CCDC171: variants seen among roughly 807,000 people sequenced by gnomAD.
CCDC171 encodes the protein coiled-coil domain-containing protein 171.
In CCDC171, 177 loss-of-function variants were observed where a neutral mutation model predicts 168.2. The ratio of observed to expected loss-of-function variants is 1.05; its 90% CI spans 0.93 to 1.19. The LOEUF is 1.19. Ranked by LOEUF, CCDC171 falls within the 50% of genes most tolerant of loss-of-function variation. CCDC171 has a pLI of 0.00. For missense variants in CCDC171, 1,991 were observed against 1,539.0 expected, an observed-to-expected ratio of 1.29 and a Z score of -4.91; for synonymous variants, 687 against 540.8, an observed-to-expected ratio of 1.27 and a Z score of -3.75.
intron 25 of CCDC171, among the ~76,000 whole-genome samples, chr9:15,944,971 G>A (rs1177826583): frequency 2.0e-5 from 3 of 151,436 alleles, no homozygotes; most frequent in African/African-American, 7.3e-5. Flanking sequence ...ATGCTGGTGC[G>A]CTGCACCCAC....
chr9:15,938,109 TA>T (rs2132249274), intron 25 of CCDC171, among the ~76,000 whole-genome samples: 1 of 152,012 alleles, frequency 6.6e-6, no homozygotes, highest in African/African-American at 2.4e-5. Flanking sequence ...TTATTTAATT[TA>T]ATCTTTATAC....
the CCDC171 span, among the ~76,000 whole-genome samples, chr9:16,067,877 A>G: frequency 6.6e-6 from 1 of 152,170 alleles, no homozygotes; most frequent in Non-Finnish European, 1.5e-5. Flanking sequence ...CTTGTAGTAT[A>G]GTTTGAAGTC....
chr9:15,844,869 T>C (rs901907752), intron 21 of CCDC171, among the ~76,000 whole-genome samples: 1 of 152,050 alleles, frequency 6.6e-6, no homozygotes, highest in Non-Finnish European at 1.5e-5. Context: ...TTCCCTGAGA[T>C]TGGATCAGGA....
chr9:15,896,068 G>T (rs1328639289), intron 24 of CCDC171, among the ~76,000 whole-genome samples: 1 of 151,864 alleles, frequency 6.6e-6, no homozygotes, highest in African/African-American at 2.4e-5. Flanking sequence ...AACCATGTTG[G>T]TTTTTTTCTA....
intron 4 of CCDC171, among the ~76,000 whole-genome samples, chr9:15,589,000 G>A (rs530581970): frequency 6.6e-6 from 1 of 151,736 alleles, no homozygotes; most frequent in Non-Finnish European, 1.5e-5. Context: ...GTGAGCCACC[G>A]CACCCAGCCG....
intron 14 of CCDC171, among the ~76,000 whole-genome samples, chr9:15,726,169 G>C (rs940876264): frequency 6.6e-6 from 1 of 152,158 alleles, no homozygotes; most frequent in Non-Finnish European, 1.5e-5. Flanking sequence ...ACATGAAGGG[G>C]TTGGAATTGC....
At chr9:15,797,443 T>G (rs967909302) in intron 21 of CCDC171, among the ~76,000 whole-genome samples, 1 of 152,112 alleles carries the variant, frequency 6.6e-6, no homozygotes, top group East Asian at 1.9e-4. Flanking sequence ...CTTGAACTCC[T>G]GGGCTGAAGC....
chr9:15,937,552 A>G (rs1263337009), intron 25 of CCDC171, among the ~76,000 whole-genome samples: 1 of 151,970 alleles, frequency 6.6e-6, no homozygotes, highest in Non-Finnish European at 1.5e-5. Context: ...TCCCCCTTAT[A>G]TACTATGAAT....
At position 15,854,624 on chromosome 9, in the gene CCDC171, C is replaced by G. The variant is rs577687088; in HGVS notation, c.3468+5677C>G. Among the ~76,000 whole-genome samples, 19 of 151,616 alleles carry G rather than the reference C, an allele frequency of 1.3e-4. No homozygotes were observed. The South Asian group carries it at 3.5e-3, about 28-fold the overall frequency. ...CATTATTATTTCTCCCTTCTGTTTGCTTTGGGTTTAGTTTGCGCTCTCTGT... is the reference window on the plus strand; with the variant it reads ...CATTATTATTTCTCCCTTCTGTTTGGTTTGGGTTTAGTTTGCGCTCTCTGT... On this transcript the variant is annotated intron_variant, in intron 23 of 25. Transcript: ENST00000380701.
intron 18 of CCDC171, among the ~76,000 whole-genome samples, chr9:15,755,895 C>T (rs886541168): frequency 6.6e-6 from 1 of 152,094 alleles, no homozygotes; most frequent in African/African-American, 2.4e-5. Context: ...TTGCACAACT[C>T]TGTGAGTATA....
intron 2 of CCDC171, among the ~76,000 whole-genome samples, chr9:15,566,224 G>A (rs381205): frequency 0.057 from 8,648 of 151,426 alleles, 310 homozygotes; most frequent in African/African-American, 0.097. Flanking sequence ...TTGAGCTTTA[G>A]GAGTGTTTGT....
intron 20 of CCDC171, among the ~76,000 whole-genome samples, chr9:15,781,723 T>A (rs2057677312): frequency 6.6e-6 from 1 of 152,152 alleles, no homozygotes; most frequent in Admixed American, 6.5e-5. Flanking sequence ...AGTACTTAAT[T>A]TTTATATATT....
At chr9:15,801,709 G>A (rs1435684487) in intron 21 of CCDC171, among the ~76,000 whole-genome samples, 1 of 151,918 alleles carries the variant, frequency 6.6e-6, no homozygotes, top group Non-Finnish European at 1.5e-5. Flanking sequence ...TAGAGGAAAG[G>A]GTTTCATTTT....
chr9:15,899,946 G>T (rs1433324557), intron 24 of CCDC171, among the ~76,000 whole-genome samples: 1 of 151,942 alleles, frequency 6.6e-6, no homozygotes, highest in African/African-American at 2.4e-5. Flanking sequence ...AGATCCCAAA[G>T]ATTTTTTCAT....
chr9:15,619,523 C>G (rs1033397274), intron 6 of CCDC171, among the ~76,000 whole-genome samples: 1 of 152,092 alleles, frequency 6.6e-6, no homozygotes, highest in Non-Finnish European at 1.5e-5. Flanking sequence ...TTGATGAAGG[C>G]TGAGAGAGGT....
At chr9:15,837,019 A>T (rs114796910) in intron 21 of CCDC171, among the ~76,000 whole-genome samples, 1 of 152,124 alleles carries the variant, frequency 6.6e-6, no homozygotes, top group Non-Finnish European at 1.5e-5. Flanking sequence ...AACATCTGCA[A>T]CCCTCTTCAC....
chr9:15,707,390 G>A (rs573501197), intron 11 of CCDC171, among the ~76,000 whole-genome samples: 2 of 152,314 alleles, frequency 1.3e-5, no homozygotes, highest in Admixed American at 6.5e-5. Flanking sequence ...CTTTGGTTAC[G>A]ATTTGATAAC....
intron 18 of CCDC171, among the ~76,000 whole-genome samples, chr9:15,770,716 ATGAG>A (rs1160899907): frequency 6.6e-6 from 1 of 152,320 alleles, no homozygotes; most frequent in East Asian, 1.9e-4. Flanking sequence ...TGTTTAATGA[ATGAG>A]TAAGGTAGTG....
At chr9:16,091,785 A>C in the CCDC171 span, among the ~76,000 whole-genome samples, 82 of 152,238 alleles carry the variant, frequency 5.4e-4, no homozygotes, top group Non-Finnish European at 1.1e-3. Context: ...TTTAGGTGTC[A>C]GAGGAATAAG....
Sources: allele counts gnomAD v4.1 joint callset (sites outside exome capture counted in the v4.1 genomes callset), GRCh38; gene constraint gnomAD v4.1.1; transcripts MANE v1.5; gene names NCBI Gene and HGNC (gene_info 2026-07-23, HGNC 2026-07-21).